The following STAG3 variants were observed in gnomAD, a reference collection of about 807,000 sequenced individuals.
STAG3 encodes the protein STAG3 cohesin complex component.
Under a neutral mutation model 160.7 loss-of-function variants are expected in STAG3, and 101 were observed. The observed-to-expected ratio is 0.63, with a 90% confidence interval of 0.54 to 0.74. The LOEUF is 0.74. Ranked by LOEUF, STAG3 falls within the 30% of genes least tolerant of loss-of-function variation. The pLI is 0.00. For synonymous variants in STAG3, 519 were observed against 585.0 expected, an observed-to-expected ratio of 0.89 and a Z score of 1.63; for missense variants, 1,188 against 1,517.4, an observed-to-expected ratio of 0.78 and a Z score of 3.61.
In STAG3 at chr7:100,200,583, A is replaced by G. The variant is rs780604189; in HGVS notation, c.1860+41A>G. On this transcript the variant is annotated intron_variant, in intron 18 of 33. Coordinates refer to ENST00000615138, the MANE Select transcript of STAG3 (RefSeq NM_001282717.2). Reference sequence around the variant, plus strand: ...TCCTATACCTTGCTGCTTGCCTGCCAGGGCCAAAGGGTTCTATTGCCAGTA... The same window carrying G: ...TCCTATACCTTGCTGCTTGCCTGCCGGGGCCAAAGGGTTCTATTGCCAGTA... 26 of 1,601,890 alleles carry G rather than the reference A, an allele frequency of 1.6e-5. No individual in the cohort carries two copies. The East Asian group carries it at 4.7e-4, about 29-fold the overall frequency.
At position 100,204,996 on chromosome 7, in the gene STAG3, C is replaced by T. The variant is rs768030570; in HGVS notation, c.2952-9C>T. 1.9e-6 allele frequency: 3 copies of T among 1,612,196 alleles called. No homozygotes were observed. The highest frequency in any genetic ancestry group is 2.5e-6 in the Non-Finnish European group (3 of 1,179,188). ...GACTTTCTTCCTAAAATAATTCTGC[C>T]CAACCAAGGGAAGGCATCCAGTTCT... On this transcript the variant is annotated splice_polypyrimidine_tract_variant and intron_variant, in intron 27 of 33. Coordinates refer to ENST00000615138, the MANE Select transcript of STAG3 (RefSeq NM_001282717.2).
chr7:100,178,851 CAG>C (rs1237791045), intron 1 of STAG3, among the ~76,000 whole-genome samples: 2 of 144,828 alleles, frequency 1.4e-5, no homozygotes, highest in Non-Finnish European at 3.0e-5. Flanking sequence ...TTTTTTGAGA[CAG>C]AGTCTCGCTC....
intron 30 of STAG3, 67 bp downstream of exon 30, chr7:100,211,252 T>C (rs1802173887): frequency 4.6e-6 from 7 of 1,524,366 alleles, no homozygotes; most frequent in Non-Finnish European, 6.2e-6. Flanking sequence ...TCCATCTTGC[T>C]GTTTCTGTTT....
Position 100,201,334 on chromosome 7 carries a change from GGA to G in STAG3, c.2207_2208del (p.Glu736GlyfsTer26). On this transcript the variant is annotated frameshift_variant, in exon 21 of 34. Coordinates refer to ENST00000615138, the MANE Select transcript of STAG3 (RefSeq NM_001282717.2). LOFTEE classifies it high-confidence loss of function. ...ACTCCTGCAGAAGGCTGTGGACACA[GGA>G]GAGGTTCCTCACCAGGTGAGTGGAC... ...CQLLQKAVDT[G>X]EVPHQVILPA... 1 of 1,614,178 alleles carries G rather than the reference GGA, an allele frequency of 6.2e-7. No individual in the cohort carries two copies. The highest frequency in any genetic ancestry group is 8.5e-7 in the Non-Finnish European group (1 of 1,180,026).
In STAG3 at chr7:100,202,183, ATTAAGTGATCTACTTCTCATCT is replaced by A. The variant is rs758477418; in HGVS notation, c.2410_2431del (p.Ser804AlafsTer4). ...TTTTCCCCCTACAGGCTTTTGTCTT[ATTAAGTGATCTACTTCTCATCT>A]TTAGCCCTCAGATGATTGTTGGGGG... On this transcript the variant is annotated frameshift_variant, in exon 24 of 34. Transcript: ENST00000615138. LOFTEE classifies it high-confidence loss of function. The A allele has an allele frequency of 1.2e-6, 2 of 1,613,260 alleles. No homozygotes were observed. The highest frequency in any genetic ancestry group is 3.3e-5 in the Admixed American group (2 of 59,772).
chr7:100,198,505 T>C lies in STAG3; in HGVS notation c.1275T>C (p.Asp425=). ...KNMEGVLTDA[D]CESVYPVVYA... is the part of the protein sequence containing the mutation. ...TGGAAGGGGTGCTGACGGACGCGGA[T>C]TGTGAGAGCGTCTACCCAGTTGTGT... is the stretch of plus-strand genomic sequence containing the variant. The change falls in exon 13 of 34, where the codon GAT becomes GAC. Residue 425 remains aspartate (D), a synonymous_variant. Coordinates refer to ENST00000615138, the MANE Select transcript of STAG3 (RefSeq NM_001282717.2). 6.2e-7 allele frequency: 1 copy of C among 1,614,220 alleles called. No individual in the cohort carries two copies. Among genetic ancestry groups the C allele is most frequent in the African/African-American group, 1.3e-5 (1 of 75,052 alleles).
At position 100,201,312 on chromosome 7, in the gene STAG3, C is replaced by A; in HGVS notation, c.2181C>A (p.Leu727=). 2 of 1,614,140 alleles carry A rather than the reference C, an allele frequency of 1.2e-6. No individual in the cohort carries two copies. Among genetic ancestry groups the A allele is most frequent in the Non-Finnish European group, 1.7e-6 (2 of 1,180,026 alleles). ...AGCTCTATGAGCCATGTTGCCAACT[C>A]CTGCAGAAGGCTGTGGACACAGGAG... ...RWELYEPCCQ[L]LQKAVDTGEV... The change falls in exon 21 of 34, where the codon CTC becomes CTA. Residue 727 remains leucine, a synonymous_variant. Coordinates refer to ENST00000615138, the MANE Select transcript of STAG3 (RefSeq NM_001282717.2).
In STAG3 at chr7:100,200,485, G is replaced by T; in HGVS notation, c.1803G>T (p.Leu601=). 2 of 1,614,098 alleles carry T rather than the reference G, an allele frequency of 1.2e-6. No individual in the cohort carries two copies. Among genetic ancestry groups the T allele is most frequent in the Non-Finnish European group, 1.7e-6 (2 of 1,180,032 alleles). ...CTGATGCAGAGAAGGTCACTCCCCT[G>T]CTCCAGCTTCTCAGCTGCTTTGACC... ...FSADAEKVTP[L]LQLLSCFDLH... Residue 601 remains leucine (L), a synonymous_variant, in exon 18 of 34, where the codon CTG becomes CTT. Transcript: ENST00000615138.
chr7:100,197,386 A>G (rs1461730286), intron 10 of STAG3, 107 bp downstream of exon 10: 119 of 1,482,218 alleles, frequency 8.0e-5, no homozygotes, highest in Admixed American at 1.9e-4. Flanking sequence ...CTAGTGACCA[A>G]TGATGAACCC....
In STAG3 at chr7:100,207,180, T is replaced by C. The variant is rs1418547361; in HGVS notation, c.3238+1796T>C. ...CTTTTATGCATAATGCTGCTAAACATGCATGTACACATTTTTGGGTGGATG... is the reference window on the plus strand; with the variant it reads ...CTTTTATGCATAATGCTGCTAAACACGCATGTACACATTTTTGGGTGGATG... On this transcript the variant is annotated intron_variant, in intron 29 of 33. Transcript: ENST00000615138. This position sits in a 1 kb window ranked among gnomAD's most constrained non-coding sequence, Gnocchi z 4.0. Among the ~76,000 whole-genome samples the C allele has an allele frequency of 6.6e-6, 1 of 152,272 alleles. No homozygotes were observed. Among genetic ancestry groups the C allele is most frequent in the Non-Finnish European group, 1.5e-5 (1 of 68,052 alleles).
downstream of STAG3, among the ~76,000 whole-genome samples, chr7:100,216,242 C>A (rs1358139247): frequency 2.0e-5 from 3 of 152,032 alleles, no homozygotes; most frequent in Non-Finnish European, 4.4e-5. Flanking sequence ...CCATAGCAAC[C>A]GGAACAGGGC....
intron 8 of STAG3, among the ~76,000 whole-genome samples, chr7:100,193,072 A>G (rs1800441276): frequency 6.6e-6 from 1 of 152,230 alleles, no homozygotes. Flanking sequence ...CTCCTTGTAC[A>G]TCTTCACCAG....
rs895975783 is a variant in STAG3, at chr7:100,202,166, C to T, written c.2395-6C>T. The T allele has an allele frequency of 1.9e-6, 3 of 1,611,412 alleles. No homozygotes were observed. The highest frequency in any genetic ancestry group is 1.3e-5 in the African/African-American group (1 of 74,684). On this transcript the variant is annotated splice_polypyrimidine_tract_variant and splice_region_variant and intron_variant, in intron 23 of 33. Transcript: ENST00000615138. ...CTTTTAAACATCCTTTCTTTTCCCC[C>T]TACAGGCTTTTGTCTTATTAAGTGA...
At chr7:100,210,941 C>T in intron 29 of STAG3, 70 bp from the exon 30 acceptor site, 3 of 1,491,284 alleles carry the variant, frequency 2.0e-6, no homozygotes, top group Non-Finnish European at 2.7e-6. Context: ...AAATCCTGGG[C>T]AGGTCTTGGA....
intron 21 of STAG3, 184 bp from the exon 22 acceptor site, chr7:100,201,602 C>T (rs1015373176): frequency 2.8e-5 from 18 of 639,552 alleles, no homozygotes; most frequent in Admixed American, 1.1e-4. Flanking sequence ...AATTAGGGAG[C>T]GGTGACATTT....
intron 4 of STAG3, 21 bp from the exon 5 acceptor site, chr7:100,186,179 A>G (rs1213562129): frequency 6.3e-7 from 1 of 1,593,412 alleles, no homozygotes; most frequent in East Asian, 2.2e-5. Flanking sequence ...AACAGAAGTC[A>G]TCTACATTTT....
chr7:100,215,156 T>C (rs1311264776), downstream of STAG3: 1 of 152,218 alleles, frequency 6.6e-6, no homozygotes, highest in Admixed American at 6.5e-5. Context: ...AAGGAATGCT[T>C]CAGCCTCTCT....
rs574045618 is a variant in STAG3 at position 100,181,753 on chromosome 7, C to T, written c.117-337C>T. On this transcript the variant is annotated intron_variant, in intron 2 of 33. Coordinates refer to ENST00000615138, the MANE Select transcript of STAG3 (RefSeq NM_001282717.2). ...ACCTGAAGTCAGGAGTTTGAGACCA[C>T]CTTGGCCAACACGGTGAAACACCTG... Among the ~76,000 whole-genome samples, 17 of 152,148 alleles carry T rather than the reference C, an allele frequency of 1.1e-4. No individual in the cohort carries two copies. In the East Asian group the frequency reaches 3.3e-3, roughly 29 times the overall value.
downstream of STAG3, chr7:100,215,327 C>T (rs1802663576): frequency 6.6e-6 from 1 of 152,194 alleles, no homozygotes; most frequent in South Asian, 2.1e-4. Flanking sequence ...CCACCTCGCC[C>T]CTTTCATTCT....
Sources: allele counts gnomAD v4.1 joint callset (sites outside exome capture counted in the v4.1 genomes callset), GRCh38; gene constraint gnomAD v4.1.1; non-coding constraint Gnocchi (gnomAD v3.1); transcripts MANE v1.5; gene names NCBI Gene and HGNC (gene_info 2026-07-23, HGNC 2026-07-21).